DDX10: variants seen among roughly 807,000 people sequenced by gnomAD.
DDX10 encodes probable ATP-dependent RNA helicase DDX10.
DDX10 carries 74 observed loss-of-function variants against 104.3 expected under a neutral mutation model. The observed-to-expected ratio is 0.71, with a 90% confidence interval of 0.59 to 0.86. The LOEUF (loss-of-function observed/expected upper bound fraction) is 0.86, where lower values mean the gene tolerates loss of function less well. Among genes scored for constraint, DDX10 ranks in the 40% least tolerant of loss-of-function variants. The pLI is 0.00. For synonymous variants in DDX10, 351 were observed against 353.4 expected, an observed-to-expected ratio of 0.99 and a Z score of 0.08; for missense variants, 952 against 1,040.0, an observed-to-expected ratio of 0.92 and a Z score of 1.16.
intron 16 of DDX10, among the ~76,000 whole-genome samples, chr11:108,852,997 C>T (rs762022305): frequency 6.6e-6 from 1 of 152,050 alleles, no homozygotes; most frequent in Non-Finnish European, 1.5e-5. Context: ...TTTTTCCATG[C>T]TGGCCATAGC....
intron 13 of DDX10, among the ~76,000 whole-genome samples, chr11:108,782,737 C>T (rs777654194): frequency 7.9e-5 from 12 of 151,968 alleles, no homozygotes; most frequent in African/African-American, 2.7e-4. Flanking sequence ...AAGCTTCAAT[C>T]AAATCAAGAG....
chr11:108,892,315 C>T (rs1213198491), intron 16 of DDX10, among the ~76,000 whole-genome samples: 1 of 152,156 alleles, frequency 6.6e-6, no homozygotes, highest in East Asian at 1.9e-4. Flanking sequence ...CATGTAATCT[C>T]TGCACAAGCT....
chr11:108,813,691 CT>C (rs1357664585), intron 13 of DDX10, among the ~76,000 whole-genome samples: 1 of 152,080 alleles, frequency 6.6e-6, no homozygotes, highest in African/African-American at 2.4e-5. Context: ...AATTCTAGTA[CT>C]TTTATGGTTT....
At chr11:108,744,156 G>A (rs1267514063) in intron 13 of DDX10, among the ~76,000 whole-genome samples, 1 of 152,076 alleles carries the variant, frequency 6.6e-6, no homozygotes, top group Admixed American at 6.5e-5. Context: ...TCGTTAGTAT[G>A]AATGGCTTTA....
intron 16 of DDX10, among the ~76,000 whole-genome samples, chr11:108,857,886 G>A (rs1269271605): frequency 6.6e-6 from 1 of 152,174 alleles, no homozygotes; most frequent in Non-Finnish European, 1.5e-5. Flanking sequence ...TCCTGAAATT[G>A]CTTTCCTTAT....
In DDX10 at chr11:108,719,867, C is replaced by G; in HGVS notation, c.1481C>G (p.Pro494Arg). 6.3e-7 allele frequency: 1 copy of G among 1,587,510 alleles called. No homozygotes were observed. The highest frequency in any genetic ancestry group is 8.7e-7 in the Non-Finnish European group (1 of 1,155,924). ...GAAGTATTTGATGTGAGCAAGTTACCTATACCTGAATATGCCCTGTAAGTA... is the reference window on the plus strand; with the variant it reads ...GAAGTATTTGATGTGAGCAAGTTACGTATACCTGAATATGCCCTGTAAGTA... ...DKEVFDVSKL[P>R]IPEYALSLGL... The change falls in exon 12 of 18, where the codon CCT becomes CGT. Residue 494 changes from proline (P) to arginine (R), a missense_variant. Pro to Arg is a moderately radical substitution (Grantham distance 103). This residue lies in a region of DDX10 where 533 missense variants were observed against 534.1 expected (regional missense o/e 1.00). Coordinates refer to ENST00000322536, the MANE Select transcript of DDX10 (RefSeq NM_004398.4).
In DDX10 at chr11:108,678,786, A is replaced by G. The variant is rs1022343313; in HGVS notation, c.658+351A>G. Reference sequence around the variant, plus strand: ...AATACTACCTGATGTGTATTTTTAAATCAACTTTATCTTTGAACATTTTTG... The same window carrying G: ...AATACTACCTGATGTGTATTTTTAAGTCAACTTTATCTTTGAACATTTTTG... On this transcript the variant is annotated intron_variant, in intron 5 of 17. Coordinates refer to ENST00000322536, the MANE Select transcript of DDX10 (RefSeq NM_004398.4). Among the ~76,000 whole-genome samples, 15 of 145,832 alleles carry G rather than the reference A, an allele frequency of 1.0e-4. No individual in the cohort carries two copies. The Admixed American group carries it at 1.0e-3, about 10-fold the overall frequency.
intron 16 of DDX10, among the ~76,000 whole-genome samples, chr11:108,862,108 G>A (rs904993425): frequency 3.9e-5 from 6 of 152,092 alleles, no homozygotes; most frequent in African/African-American, 7.2e-5. Context: ...AACCTTGACC[G>A]CCTGAGCTCA....
intron 16 of DDX10, among the ~76,000 whole-genome samples, chr11:108,899,912 G>T (rs941858637): frequency 1.3e-5 from 2 of 152,130 alleles, no homozygotes; most frequent in African/African-American, 4.8e-5. Flanking sequence ...TCAGGAGTTC[G>T]AGAGCAGCCT....
intron 13 of DDX10, among the ~76,000 whole-genome samples, chr11:108,732,725 C>G (rs2094313766): frequency 6.6e-6 from 1 of 152,172 alleles, no homozygotes; most frequent in South Asian, 2.1e-4. Flanking sequence ...TAAGAGATGG[C>G]TGGTTGACCT....
chr11:108,830,275 C>A (rs1414790552), intron 13 of DDX10, among the ~76,000 whole-genome samples: 3 of 152,104 alleles, frequency 2.0e-5, no homozygotes, highest in Non-Finnish European at 4.4e-5. Context: ...TTTTTCACAT[C>A]CTTGTTTAGG....
At chr11:108,860,106 G>A (rs529505387) in intron 16 of DDX10, among the ~76,000 whole-genome samples, 10 of 152,228 alleles carry the variant, frequency 6.6e-5, no homozygotes, top group Admixed American at 2.0e-4. Context: ...ACTATTATAA[G>A]ACTTGATTTT....
At chr11:108,823,561 T>A (rs764108218) in intron 13 of DDX10, among the ~76,000 whole-genome samples, 1 of 152,232 alleles carries the variant, frequency 6.6e-6, no homozygotes, top group African/African-American at 2.4e-5. Flanking sequence ...CAAACCCAGT[T>A]TGAATTTAGC....
At chr11:108,924,874 A>G (rs560874602) in intron 17 of DDX10, among the ~76,000 whole-genome samples, 76 of 152,332 alleles carry the variant, frequency 5.0e-4, no homozygotes, top group East Asian at 1.5e-3. Context: ...TAAAAAAACT[A>G]CTATTCACTG....
At chr11:108,939,872 C>T (rs1864084011) in intron 17 of DDX10, among the ~76,000 whole-genome samples, 1 of 152,208 alleles carries the variant, frequency 6.6e-6, no homozygotes, top group Admixed American at 6.5e-5. Context: ...AGCTTGCACA[C>T]TGCTACCTAA....
At chr11:108,887,062 T>C (rs1444583078) in intron 16 of DDX10, among the ~76,000 whole-genome samples, 5 of 152,174 alleles carry the variant, frequency 3.3e-5, no homozygotes, top group Non-Finnish European at 1.5e-5. Flanking sequence ...ATGAAAACAC[T>C]AGAAATGGAA....
At chr11:108,668,568 C>T (rs565272351) in intron 1 of DDX10, among the ~76,000 whole-genome samples, 1 of 152,270 alleles carries the variant, frequency 6.6e-6, no homozygotes, top group South Asian at 2.1e-4. Flanking sequence ...TATGTGGCTC[C>T]TCAGGTGGTA....
intron 15 of DDX10, among the ~76,000 whole-genome samples, chr11:108,845,882 A>G (rs1862710123): frequency 6.6e-6 from 1 of 152,196 alleles, no homozygotes; most frequent in South Asian, 2.1e-4. Context: ...TGCGTTTAAA[A>G]GTTGACAGCC....
chr11:108,745,199 T>C (rs1398051108), intron 13 of DDX10, among the ~76,000 whole-genome samples: 3 of 123,816 alleles, frequency 2.4e-5, no homozygotes, highest in Middle Eastern at 3.8e-3. Flanking sequence ...CTTCCTTCCC[T>C]TTCGTTTCCT....
Sources: gnomAD v4.1 joint callset for allele counts (sites outside exome capture counted in the v4.1 genomes callset) on GRCh38, gnomAD v4.1.1 for gene constraint, gnomAD v4.1.1 regional missense constraint, MANE v1.5 for transcripts, NCBI Gene and HGNC (gene_info 2026-07-23, HGNC 2026-07-21) for gene names.